The following ERI1 variants were observed in gnomAD, a reference collection of about 807,000 sequenced individuals.
ERI1 encodes exoribonuclease 1.
Under a neutral mutation model 39.7 loss-of-function variants are expected in ERI1, and 39 were observed. The observed-to-expected ratio is 0.98, with a 90% CI of 0.76 to 1.28. The LOEUF (loss-of-function observed/expected upper bound fraction) is 1.28, where lower values mean the gene tolerates loss of function less well. ERI1 is among the 50% of genes most tolerant of loss of function. The probability of loss-of-function intolerance (pLI) is 0.00; values close to 1 mark genes in which losing one functional copy is unlikely to be tolerated. For missense variants in ERI1, 581 were observed against 416.9 expected, an observed-to-expected ratio of 1.39 and a Z score of -3.43; for synonymous variants, 204 against 149.6, an observed-to-expected ratio of 1.36 and a Z score of -2.65.
At chr8:9,004,485 C>CTTTTT (rs71201904) in intron 1 of ERI1, among the ~76,000 whole-genome samples, 21 of 78,304 alleles carry the variant, frequency 2.7e-4, no homozygotes, top group African/African-American at 1.0e-3. Flanking sequence ...TATAGTGATA[C>CTTTTT]TTTTTTTTTT....
intron 3 of ERI1, among the ~76,000 whole-genome samples, chr8:9,087,527 A>G (rs1012836432): frequency 1.6e-4 from 23 of 146,884 alleles, no homozygotes; most frequent in Non-Finnish European, 3.0e-4. Context: ...AAGTGCTGGG[A>G]TTACAGGCTT....
At chr8:9,056,991 C>G (rs1391246223) in intron 3 of ERI1, among the ~76,000 whole-genome samples, 3 of 152,030 alleles carry the variant, frequency 2.0e-5, no homozygotes, top group Admixed American at 6.6e-5. Flanking sequence ...CACCACCATA[C>G]CTGGTTAATT....
chr8:9,028,976 T>TC (rs1402901302), intron 6 of ERI1, among the ~76,000 whole-genome samples: 7 of 109,972 alleles, frequency 6.4e-5, no homozygotes, highest in Non-Finnish European at 1.2e-4. Context: ...TGTGAGAGTT[T>TC]TTTTTTTTTT....
chr8:9,007,431 G>A (rs1255725920), intron 1 of ERI1, among the ~76,000 whole-genome samples: 1 of 152,140 alleles, frequency 6.6e-6, no homozygotes, highest in Non-Finnish European at 1.5e-5. Flanking sequence ...GGGTTCATTT[G>A]TAAATATTAG....
At position 9,051,004 on chromosome 8, in the gene ERI1, G is replaced by C. The variant is rs114966732; in HGVS notation, n.299+30540G>C. On this transcript the variant is annotated intron_variant and non_coding_transcript_variant, in intron 3 of 3. Coordinates refer to the ERI1 transcript ENST00000518663. The stretch of plus-strand genomic sequence containing the variant: ...CTGATCCTGAACTTAATGATCTTTG[G>C]AGGTAGATTCTTTATTCTGGACTTT... Among the ~76,000 whole-genome samples, 895 of 152,190 alleles carry C rather than the reference G, an allele frequency of 5.9e-3. 11 individuals are homozygous for C. The highest frequency in any genetic ancestry group is 0.02 in the African/African-American group (841 of 41,514).
At chr8:9,080,552 T>G (rs2117449656) in intron 3 of ERI1, among the ~76,000 whole-genome samples, 1 of 152,360 alleles carries the variant, frequency 6.6e-6, no homozygotes, top group South Asian at 2.1e-4. Flanking sequence ...CACACCTTTG[T>G]GAAGTGCAGC....
chr8:9,003,047 C>T lies in ERI1; in HGVS notation c.-17C>T, dbSNP rs111494086. On this transcript the variant is annotated 5_prime_UTR_variant, in exon 1 of 7. Coordinates refer to ENST00000250263, the MANE Select transcript of ERI1 (RefSeq NM_153332.4). ...AGTGTCCGGCTCCAGCAACTCTCCT[C>T]TGGCGTGACAGCCGGCATGGAGGAT... The T allele has an allele frequency of 1.0e-4, 130 of 1,242,420 alleles. No individual in the cohort carries two copies. In the African/African-American group the frequency reaches 1.7e-3, roughly 16 times the overall value. 77.0% of individuals were successfully genotyped at this position (1,242,420 alleles called of 1,614,324 possible). A position where few individuals can be genotyped will look rare whatever the true frequency, so the allele number is the denominator to read the frequency against.
intron 3 of ERI1, among the ~76,000 whole-genome samples, chr8:9,093,128 G>A (rs144412129): frequency 2.6e-5 from 4 of 152,158 alleles, no homozygotes; most frequent in African/African-American, 9.7e-5. Flanking sequence ...CCTTTTTAAA[G>A]ACCAGGTCTC....
downstream of ERI1, among the ~76,000 whole-genome samples, chr8:9,035,271 T>G (rs2117329721): frequency 6.6e-6 from 1 of 152,342 alleles, no homozygotes; most frequent in Non-Finnish European, 1.5e-5. Flanking sequence ...TCAATGTAGA[T>G]GAAATAGCCT....
chr8:9,022,092 G>C (rs191179337), intron 6 of ERI1, among the ~76,000 whole-genome samples: 1 of 151,854 alleles, frequency 6.6e-6, no homozygotes, highest in African/African-American at 2.4e-5. Flanking sequence ...CAATGGAATT[G>C]TACCAGTTTG....
intron 3 of ERI1, chr8:9,088,685 A>G (rs995454946): frequency 6.6e-6 from 1 of 152,326 alleles, no homozygotes; most frequent in Admixed American, 6.5e-5. Flanking sequence ...GCTGGCTGCT[A>G]GTCAGTCATC....
At chr8:9,007,856 T>A in intron 1 of ERI1, 114 bp from the exon 2 acceptor site, 2 of 1,426,792 alleles carry the variant, frequency 1.4e-6, no homozygotes, top group Non-Finnish European at 9.3e-7. Flanking sequence ...TCATTGAACA[T>A]GTAGCATGAA....
intron 3 of ERI1, among the ~76,000 whole-genome samples, chr8:9,063,674 T>C (rs1250588876): frequency 6.6e-6 from 1 of 152,102 alleles, no homozygotes; most frequent in Non-Finnish European, 1.5e-5. Flanking sequence ...GTCCAATGTG[T>C]AAAAGAATGC....
intron 6 of ERI1, among the ~76,000 whole-genome samples, chr8:9,026,386 G>C (rs1797161083): frequency 6.6e-6 from 1 of 152,108 alleles, no homozygotes; most frequent in African/African-American, 2.4e-5. Context: ...TGTGCCTGTT[G>C]AACTTCCCCT....
At chr8:9,047,777 C>G (rs942863123) in intron 3 of ERI1, among the ~76,000 whole-genome samples, 1 of 152,254 alleles carries the variant, frequency 6.6e-6, no homozygotes, top group East Asian at 1.9e-4. Context: ...TCCACCTATA[C>G]CTATTTATTA....
At chr8:9,015,740 A>AAAAAAAAG (rs1182633803) in intron 3 of ERI1, among the ~76,000 whole-genome samples, 1 of 148,522 alleles carries the variant, frequency 6.7e-6, no homozygotes, top group African/African-American at 2.6e-5. Flanking sequence ...AAAAAAAAAA[A>AAAAAAAAG]AGAGACCATC....
downstream of ERI1, among the ~76,000 whole-genome samples, chr8:9,034,418 G>C: frequency 6.6e-6 from 1 of 152,140 alleles, no homozygotes; most frequent in East Asian, 1.9e-4. Context: ...GTCTATTTAT[G>C]TCATTTTCCC....
chr8:9,091,870 C>T (rs1361129606), intron 3 of ERI1, among the ~76,000 whole-genome samples: 6 of 151,924 alleles, frequency 3.9e-5, no homozygotes, highest in Admixed American at 3.9e-4. Context: ...TTCCTAAATG[C>T]CCTCTAAAAA....
rs1815523402 is a variant in ERI1, at chr8:9,002,951, G to A, written c.-113G>A. ...TGGAGTTTGTGTGGCCGCCGCCGCG[G>A]GAACGCGAGCCCGGTAATTTTTCAA... On this transcript the variant is annotated 5_prime_UTR_variant, in exon 1 of 7. Coordinates refer to ENST00000250263, the MANE Select transcript of ERI1 (RefSeq NM_153332.4). 1 of 775,802 alleles carries A rather than the reference G, an allele frequency of 1.3e-6. No homozygotes were observed. The highest frequency in any genetic ancestry group is 1.8e-6 in the Non-Finnish European group (1 of 570,050). 48.1% of individuals were successfully genotyped at this position (775,802 alleles called of 1,614,324 possible).
Sources: gnomAD v4.1 joint callset for allele counts (sites outside exome capture counted in the v4.1 genomes callset) on GRCh38, gnomAD v4.1.1 for gene constraint, MANE v1.5 for transcripts, NCBI Gene and HGNC (gene_info 2026-07-23, HGNC 2026-07-21) for gene names.